KCNN2: variants seen among roughly 807,000 people sequenced by gnomAD.
KCNN2 encodes potassium calcium-activated channel subfamily N member 2, also known as small conductance calcium-activated potassium channel protein 2.
In KCNN2, 24 loss-of-function variants were observed where a neutral mutation model predicts 55.5. The observed-to-expected ratio is 0.43, with a 90% CI of 0.31 to 0.61. The LOEUF (loss-of-function observed/expected upper bound fraction) is 0.61, where lower values mean the gene tolerates loss of function less well. Ranked by LOEUF, KCNN2 falls within the 20% of genes least tolerant of loss-of-function variation. KCNN2 has a pLI of 0.08. For synonymous variants in KCNN2, 431 were observed against 336.1 expected, an observed-to-expected ratio of 1.28 and a Z score of -3.09; for missense variants, 754 against 853.6, an observed-to-expected ratio of 0.88 and a Z score of 1.45.
At chr5:114,223,356 C>G (rs1480140470) in intron 2 of KCNN2, among the ~76,000 whole-genome samples, 3 of 152,160 alleles carry the variant, frequency 2.0e-5, no homozygotes, top group Admixed American at 6.5e-5. Flanking sequence ...CTTATTTTCC[C>G]TTTCAAAGTC....
intron 1 of KCNN2, among the ~76,000 whole-genome samples, chr5:114,140,002 T>C (rs1268345449): frequency 6.6e-6 from 1 of 152,142 alleles, no homozygotes; most frequent in African/African-American, 2.4e-5. Context: ...TTGCAAAATA[T>C]GTGAAACAAT....
chr5:114,496,354 T>G lies in KCNN2; in HGVS notation c.*172T>G. 2 of 639,170 alleles carry G rather than the reference T, an allele frequency of 3.1e-6. No homozygotes were observed. The highest frequency in any genetic ancestry group is 5.3e-6 in the Non-Finnish European group (2 of 380,008). The allele number at this position is 639,170 out of a possible 1,614,324, so 39.6% of individuals were successfully genotyped here. A position where few individuals can be genotyped will look rare whatever the true frequency, so the allele number is the denominator to read the frequency against. ...CAAAATGAGTGAAAACTCTTTTTTTTTCTTTCAGATGCACAGGGAATGCAC... is the reference window on the plus strand; with the variant it reads ...CAAAATGAGTGAAAACTCTTTTTTTGTCTTTCAGATGCACAGGGAATGCAC... On this transcript the variant is annotated 3_prime_UTR_variant, in exon 8 of 8. Coordinates refer to ENST00000673685, the MANE Select transcript of KCNN2 (RefSeq NM_021614.4).
At chr5:114,132,873 CAGA>C (rs1209697918) in intron 1 of KCNN2, among the ~76,000 whole-genome samples, 1 of 152,120 alleles carries the variant, frequency 6.6e-6, no homozygotes, top group Non-Finnish European at 1.5e-5. Flanking sequence ...AACATAACTG[CAGA>C]AGGTCAGACT....
chr5:114,189,183 A>G (rs1753400112), intron 1 of KCNN2, among the ~76,000 whole-genome samples: 1 of 150,470 alleles, frequency 6.6e-6, no homozygotes, highest in Non-Finnish European at 1.5e-5. Context: ...AAGATTTATT[A>G]TAAGAAATTA....
At chr5:114,207,365 A>G (rs571120776) in intron 1 of KCNN2, among the ~76,000 whole-genome samples, 1 of 152,274 alleles carries the variant, frequency 6.6e-6, no homozygotes, top group East Asian at 1.9e-4. Flanking sequence ...TCATTTGTGA[A>G]AGGAAGAATA....
chr5:114,357,210 G>A (rs1757310928), upstream of KCNN2, among the ~76,000 whole-genome samples: 1 of 151,468 alleles, frequency 6.6e-6, no homozygotes, highest in Non-Finnish European at 1.5e-5. Context: ...ACATAGCATA[G>A]ACAATACTAT....
intron 2 of KCNN2, among the ~76,000 whole-genome samples, chr5:114,241,970 T>C (rs1264786790): frequency 6.6e-6 from 1 of 151,010 alleles, no homozygotes; most frequent in Non-Finnish European, 1.5e-5. Flanking sequence ...ATTTTATTCA[T>C]TTTTCAGGCT....
At chr5:114,168,456 C>A (rs571843645) in intron 1 of KCNN2, among the ~76,000 whole-genome samples, 5 of 152,142 alleles carry the variant, frequency 3.3e-5, no homozygotes, top group East Asian at 3.9e-4. Context: ...TTGTCCTTGA[C>A]AAATCATAAG....
At chr5:114,384,551 G>T (rs1159956737) in intron 2 of KCNN2, among the ~76,000 whole-genome samples, 4 of 152,162 alleles carry the variant, frequency 2.6e-5, no homozygotes, top group Non-Finnish European at 5.9e-5. Flanking sequence ...TCTAATTCAA[G>T]ACTGAGAGCA....
At chr5:114,483,093 G>T (rs1384489646) in intron 5 of KCNN2, among the ~76,000 whole-genome samples, 5 of 151,612 alleles carry the variant, frequency 3.3e-5, no homozygotes, top group Non-Finnish European at 7.4e-5. Context: ...TTGGTGATCT[G>T]TAAAGTACTA....
upstream of KCNN2, among the ~76,000 whole-genome samples, chr5:114,357,568 C>A (rs867863220): frequency 7.1e-5 from 9 of 126,062 alleles, no homozygotes; most frequent in Admixed American, 4.1e-4. Context: ...TTTGTTCTTG[C>A]GATAGTTTAC....
intron 1 of KCNN2, among the ~76,000 whole-genome samples, chr5:114,087,134 C>T (rs1025802518): frequency 9.9e-5 from 15 of 151,794 alleles, no homozygotes; most frequent in African/African-American, 3.4e-4. Flanking sequence ...TTGTTTGTTC[C>T]TTATTGAGTT....
intron 2 of KCNN2, among the ~76,000 whole-genome samples, chr5:114,260,060 C>T (rs887577992): frequency 6.6e-6 from 1 of 152,154 alleles, no homozygotes; most frequent in African/African-American, 2.4e-5. Context: ...CTTTTCTGTT[C>T]TACCTCAAAA....
chr5:114,465,440 C>A (rs928867968), intron 4 of KCNN2, among the ~76,000 whole-genome samples: 4 of 152,018 alleles, frequency 2.6e-5, no homozygotes, highest in African/African-American at 4.8e-5. Context: ...TGGAGAAACC[C>A]CCTCTCTACT....
intron 2 of KCNN2, among the ~76,000 whole-genome samples, chr5:114,231,062 T>G (rs1754347475): frequency 1.9e-4 from 1 of 5,332 alleles, no homozygotes; most frequent in Non-Finnish European, 5.0e-4. Flanking sequence ...TCATGTGTTT[T>G]TTGGCTGCAT....
intron 1 of KCNN2, among the ~76,000 whole-genome samples, chr5:114,106,346 G>T (rs531818415): frequency 6.6e-6 from 1 of 151,372 alleles, no homozygotes. Context: ...TACATTCATT[G>T]CTATGGTATA....
rs936372502 is a variant in KCNN2, at chr5:114,246,881, A to C, written c.-185+25316A>C. Among the ~76,000 whole-genome samples, 5 of 152,022 alleles carry C rather than the reference A, an allele frequency of 3.3e-5. No individual in the cohort carries two copies. The East Asian group carries it at 9.6e-4, about 29-fold the overall frequency. ...ATTTAATATTTCTAAAACCTAAGTT[A>C]ATGAATTATTCGAATGTTTTTAATT... is the stretch of plus-strand genomic sequence containing the variant. On this transcript the variant is annotated intron_variant, in intron 2 of 10. Coordinates refer to the KCNN2 transcript ENST00000512097.
chr5:114,085,834 C>G (rs1207303232), intron 1 of KCNN2, among the ~76,000 whole-genome samples: 1 of 152,002 alleles, frequency 6.6e-6, no homozygotes, highest in East Asian at 1.9e-4. Flanking sequence ...GTTGAAACCT[C>G]TAGTAATAGT....
intron 1 of KCNN2, among the ~76,000 whole-genome samples, chr5:114,147,005 A>G (rs906999373): frequency 3.3e-5 from 5 of 152,218 alleles, no homozygotes; most frequent in African/African-American, 1.2e-4. Context: ...CAAGCACTAT[A>G]TAAGCTGAGT....
Sources: allele counts gnomAD v4.1 joint callset (sites outside exome capture counted in the v4.1 genomes callset), GRCh38; gene constraint gnomAD v4.1.1; transcripts MANE v1.5; gene names NCBI Gene and HGNC (gene_info 2026-07-23, HGNC 2026-07-21).